The following C10orf105 variants were observed in gnomAD, a reference collection of about 807,000 sequenced individuals.
C10orf105 encodes chromosome 10 open reading frame 105.
In C10orf105, 2 loss-of-function variants were observed where a neutral mutation model predicts 0.6. That is an observed-to-expected ratio of 3.18 (90% CI 1.30 to 10.01). The LOEUF is 10.01. Ranked by LOEUF, C10orf105 falls within the 30% of genes most tolerant of loss-of-function variation. C10orf105 has a pLI of 0.04. For synonymous variants in C10orf105, 95 were observed against 82.4 expected (o/e 1.15, Z -0.83); for missense variants, 209 against 191.4 (o/e 1.09, Z -0.54).
At chr10:71,724,080 G>A (rs1232776970), upstream of C10orf105, 6 of 1,559,982 alleles carry the variant, frequency 3.8e-6, no homozygotes, top group Middle Eastern at 5.0e-4. Flanking sequence ...GCGAGTTTGG[G>A]CGTGTGTGGT....
upstream of C10orf105, chr10:71,723,991 T>G (rs1261303881): frequency 6.5e-7 from 1 of 1,544,392 alleles, no homozygotes; most frequent in Non-Finnish European, 8.8e-7. Flanking sequence ...AAAAACCTCT[T>G]CTCTCCCTGC....
chr10:71,716,546 G>A, intron 1 of C10orf105: 1 of 470,022 alleles, frequency 2.1e-6, no homozygotes, highest in South Asian at 4.3e-5. Context: ...TGATGGAGCT[G>A]GGCCCAAGCT....
Position 71,715,614 on chromosome 10 carries a change from C to A in C10orf105, c.*322G>T, listed in dbSNP as rs1866179179. The A allele has an allele frequency of 8.1e-6, 2 of 246,570 alleles. No individual in the cohort carries two copies. Among genetic ancestry groups the A allele is most frequent in the Non-Finnish European group, 1.5e-5 (2 of 129,134 alleles). The allele number at this position is 246,570 out of a possible 1,614,324, so 15.3% of individuals were successfully genotyped here. ...GCTTCTGTGGCGAGCGAGGGTGCTG[C>A]TTCTAGGAGGTGGTTACGAGCCCCA... is the stretch of plus-strand genomic sequence containing the variant. On this transcript the variant is annotated 3_prime_UTR_variant, in exon 2 of 2. Transcript: ENST00000441508.
At chr10:71,727,035 C>T (rs1448352396) in intron 1 of C10orf105, among the ~76,000 whole-genome samples, 3 of 152,230 alleles carry the variant, frequency 2.0e-5, no homozygotes, top group Admixed American at 6.5e-5. Flanking sequence ...CAGCTACTTA[C>T]GTCCTGCCCG....
Position 71,713,614 on chromosome 10 carries a change from A to C in C10orf105, c.*2322T>G. 3.0e-6 allele frequency: 1 copy of C among 338,360 alleles called. No homozygotes were observed. The highest frequency in any genetic ancestry group is 5.5e-6 in the Non-Finnish European group (1 of 181,440). 21.0% of individuals were successfully genotyped at this position (338,360 alleles called of 1,614,324 possible). On this transcript the variant is annotated 3_prime_UTR_variant, in exon 2 of 2. Transcript: ENST00000441508. ...ACAGAGAGCCCAGAAAGCCCTGAGG[A>C]TTTGCGAGAGTGTGGTGGCTAGCTC...
rs1866906122 is a variant in C10orf105, at chr10:71,728,285, G to C, written c.-6+9443C>G. ...CCTGTGAACAGCTGTGCTCTGGAGT[G>C]GACATGTTAGTTTGCATAGTGGGTT... On this transcript the variant is annotated intron_variant, in intron 1 of 1. Transcript: ENST00000398786. Among the ~76,000 whole-genome samples the C allele has an allele frequency of 2.6e-5, 4 of 151,928 alleles. No homozygotes were observed. In the South Asian group the frequency reaches 8.3e-4, roughly 32 times the overall value.
chr10:71,713,089 C>T lies in C10orf105; in HGVS notation c.*2847G>A, dbSNP rs1488901585. 1.3e-6 allele frequency: 1 copy of T among 761,022 alleles called. No homozygotes were observed. The highest frequency in any genetic ancestry group is 1.4e-5 in the South Asian group (1 of 71,602). 47.1% of individuals were successfully genotyped at this position (761,022 alleles called of 1,614,324 possible). On this transcript the variant is annotated 3_prime_UTR_variant, in exon 2 of 2. Transcript: ENST00000441508. ...TCCCCCTGCATATCTCCCGCCCCACCCAGAAGGGCCTTTCAGAGTAGCGGG... is the reference window on the plus strand; with the variant it reads ...TCCCCCTGCATATCTCCCGCCCCACTCAGAAGGGCCTTTCAGAGTAGCGGG...
chr10:71,720,349 C>T (rs990052858), upstream of C10orf105, among the ~76,000 whole-genome samples: 3 of 151,950 alleles, frequency 2.0e-5, no homozygotes, highest in South Asian at 2.1e-4. Flanking sequence ...ATAGGACTGA[C>T]GGACCTCCAA....
chr10:71,730,302 C>G (rs560043210), intron 1 of C10orf105, among the ~76,000 whole-genome samples: 1 of 152,324 alleles, frequency 6.6e-6, no homozygotes, highest in Non-Finnish European at 1.5e-5. Context: ...AGGTGCTGTG[C>G]AAGGTGGTGG....
rs754128851 is a variant in C10orf105, at chr10:71,725,386, A to G, written c.-5-9044T>C. The G allele has an allele frequency of 1.8e-5, 29 of 1,613,888 alleles. No individual in the cohort carries two copies. The highest frequency in any genetic ancestry group is 1.4e-5 in the Non-Finnish European group (16 of 1,179,894). Reference sequence around the variant, plus strand: ...CCTCCACACAGGTAACCATGGCAACAACTTCCGGATCCATGTCAGCAATGG... The same window carrying G: ...CCTCCACACAGGTAACCATGGCAACGACTTCCGGATCCATGTCAGCAATGG... On this transcript the variant is annotated intron_variant, in intron 1 of 1. Coordinates refer to the C10orf105 transcript ENST00000398786.
intron 1 of C10orf105, chr10:71,725,440 GACCGGGAGCGGA>G (rs1211749027): frequency 6.2e-7 from 1 of 1,614,034 alleles, no homozygotes. Context: ...CCGGCCCCTG[GACCGGGAGCGGA>G]ACTCATCCCA....
chr10:71,724,211 G>T, upstream of C10orf105: 6 of 1,225,346 alleles, frequency 4.9e-6, no homozygotes, highest in Non-Finnish European at 7.0e-6. Context: ...AGAACCCCCA[G>T]GGCCATATAC....
chr10:71,721,600 G>A (rs2132791603), upstream of C10orf105, among the ~76,000 whole-genome samples: 1 of 152,272 alleles, frequency 6.6e-6, no homozygotes, highest in East Asian at 1.9e-4. Flanking sequence ...CAGGGCCCTT[G>A]TTCTTTTTGC....
chr10:71,730,474 T>C lies in C10orf105; in HGVS notation c.-6+7254A>G, dbSNP rs749563585. Reference sequence around the variant, plus strand: ...CCCTGGCCCGGCTCCCACAGGTGATTGTGTACGTGGAGGACATCAACGATG... The same window carrying C: ...CCCTGGCCCGGCTCCCACAGGTGATCGTGTACGTGGAGGACATCAACGATG... On this transcript the variant is annotated intron_variant, in intron 1 of 1. Coordinates refer to the C10orf105 transcript ENST00000398786. 2 of 1,613,624 alleles carry C rather than the reference T, an allele frequency of 1.2e-6. No individual in the cohort carries two copies. The highest frequency in any genetic ancestry group is 2.2e-5 in the South Asian group (2 of 91,060).
chr10:71,723,960 G>T, upstream of C10orf105: 3 of 1,474,406 alleles, frequency 2.0e-6, no homozygotes, highest in Non-Finnish European at 2.8e-6. Flanking sequence ...TAGGATGCGT[G>T]AAGGGAAGGA....
upstream of C10orf105, chr10:71,724,247 C>T (rs917665841): frequency 5.0e-6 from 4 of 801,454 alleles, no homozygotes; most frequent in Admixed American, 2.5e-5. Context: ...AGGGAGGAAA[C>T]AGGGACATTC....
intron 1 of C10orf105, among the ~76,000 whole-genome samples, chr10:71,728,241 A>G (rs1466569660): frequency 6.6e-6 from 1 of 152,114 alleles, no homozygotes; most frequent in Non-Finnish European, 1.5e-5. Context: ...TTCTGGGTGA[A>G]GCCAAATTTA....
In C10orf105 at chr10:71,732,569, G is replaced by C. The variant is rs1589383088; in HGVS notation, c.-6+5159C>G. ...ATTGCTTCAGCTCAGGAGTTTGGAG[G>C]CTGCAGTGAGCTGCGTTTGCACCAC... On this transcript the variant is annotated intron_variant, in intron 1 of 1. Coordinates refer to the C10orf105 transcript ENST00000398786. 61 of 1,293,816 alleles carry C rather than the reference G, an allele frequency of 4.7e-5. No individual in the cohort carries two copies. In the East Asian group the frequency reaches 1.6e-3, roughly 33 times the overall value. 80.1% of individuals were successfully genotyped at this position (1,293,816 alleles called of 1,614,324 possible).
chr10:71,715,836 T>C lies in C10orf105; in HGVS notation c.*100A>G. The C allele has an allele frequency of 8.2e-7, 1 of 1,219,212 alleles. No homozygotes were observed. The highest frequency in any genetic ancestry group is 1.1e-6 in the Non-Finnish European group (1 of 905,116). The allele number at this position is 1,219,212 out of a possible 1,614,324, so 75.5% of individuals were successfully genotyped here. A position where few individuals can be genotyped will look rare whatever the true frequency, so the allele number is the denominator to read the frequency against. On this transcript the variant is annotated 3_prime_UTR_variant, in exon 2 of 2. Coordinates refer to ENST00000441508, the MANE Select transcript of C10orf105 (RefSeq NM_001164375.3). The stretch of plus-strand genomic sequence containing the variant: ...GGGTGAGTGTGTGTCCCAGACTGCT[T>C]GGGCCACTGTCTTCCTGCAGCCTGC...
Sources: allele counts gnomAD v4.1 joint callset (sites outside exome capture counted in the v4.1 genomes callset), GRCh38; gene constraint gnomAD v4.1.1; transcripts MANE v1.5; gene names NCBI Gene and HGNC (gene_info 2026-07-23, HGNC 2026-07-21).